Variants in ZNF136 observed in about 807,000 individuals in gnomAD.
The protein encoded by ZNF136 is zinc finger protein 136.
In ZNF136, 8 loss-of-function variants were observed where a neutral mutation model predicts 11.4. The observed-to-expected ratio is 0.70, with a 90% CI of 0.41 to 1.27. ZNF136 has a LOEUF of 1.27. Ranked by LOEUF, ZNF136 falls within the 50% of genes most tolerant of loss-of-function variation. The pLI is 0.01. For synonymous variants in ZNF136, 190 were observed against 207.1 expected, an observed-to-expected ratio of 0.92 and a Z score of 0.71; for missense variants, 590 against 656.5, an observed-to-expected ratio of 0.90 and a Z score of 1.11.
At chr19:12,171,262 T>G (rs1914647804) in intron 1 of ZNF136, among the ~76,000 whole-genome samples, 1 of 152,098 alleles carries the variant, frequency 6.6e-6, no homozygotes, top group Non-Finnish European at 1.5e-5. Flanking sequence ...TACAGGTGTG[T>G]GCCACCGCAC....
In ZNF136 at chr19:12,188,108, A is replaced by G. The variant is rs1281574041; in HGVS notation, c.*107A>G. 1.1e-6 allele frequency: 1 copy of G among 947,936 alleles called. No homozygotes were observed. The highest frequency in any genetic ancestry group is 3.4e-5 in the Admixed American group (1 of 29,372). The allele number at this position is 947,936 out of a possible 1,614,324, so 58.7% of individuals were successfully genotyped here. ...ATTCTGTCAGTGCCTTTTTTAATACATGAAAGAATTCTAGAGAGAAGCCAT... is the reference window on the plus strand; with the variant it reads ...ATTCTGTCAGTGCCTTTTTTAATACGTGAAAGAATTCTAGAGAGAAGCCAT... On this transcript the variant is annotated 3_prime_UTR_variant, in exon 4 of 4. Coordinates refer to ENST00000343979, the MANE Select transcript of ZNF136 (RefSeq NM_003437.5).
At position 12,163,226 on chromosome 19, in the gene ZNF136, C is replaced by T. The variant is rs528572104; in HGVS notation, c.3+20C>T. On this transcript the variant is annotated intron_variant, in intron 1 of 3. Coordinates refer to ENST00000343979, the MANE Select transcript of ZNF136 (RefSeq NM_003437.5). ...GAAATGGTGAGTGTGTCGGGCCCTG[C>T]GTCCCGAGACAGGGAGGAGGGGCTG... 2 of 1,378,232 alleles carry T rather than the reference C, an allele frequency of 1.5e-6. No individual in the cohort carries two copies. Among genetic ancestry groups the T allele is most frequent in the Non-Finnish European group, 9.5e-7 (1 of 1,055,972 alleles). The allele number at this position is 1,378,232 out of a possible 1,614,324, so 85.4% of individuals were successfully genotyped here.
At chr19:12,178,048 A>G (rs1248519225) in intron 1 of ZNF136, among the ~76,000 whole-genome samples, 1 of 152,202 alleles carries the variant, frequency 6.6e-6, no homozygotes, top group Non-Finnish European at 1.5e-5. Flanking sequence ...CAGAGGTTGC[A>G]GTGAGCCAAG....
In ZNF136 at chr19:12,187,655, G is replaced by T. The variant is rs1915149775; in HGVS notation, c.1277G>T (p.Gly426Val). Residue 426 changes from glycine to valine, a missense_variant, in exon 4 of 4, where the codon GGT (glycine) becomes GTT (valine). Physicochemically the swap from Gly to Val is moderately radical, Grantham distance 109. Coordinates refer to ENST00000343979, the MANE Select transcript of ZNF136 (RefSeq NM_003437.5). Reference sequence around the variant, plus strand: ...AAACCTTATGTATGTAAACATTGTGGTAAAGCTTTCGTTTCTTCAACATCA... The same window carrying T: ...AAACCTTATGTATGTAAACATTGTGTTAAAGCTTTCGTTTCTTCAACATCA... ...GEKPYVCKHC[G>V]KAFVSSTSIR... The T allele has an allele frequency of 6.2e-7, 1 of 1,613,956 alleles. No homozygotes were observed. Among genetic ancestry groups the T allele is most frequent in the African/African-American group, 1.3e-5 (1 of 74,910 alleles).
chr19:12,186,515 T>A, intron 3 of ZNF136, 55 bp from the exon 4 acceptor site: 1 of 1,373,518 alleles, frequency 7.3e-7, no homozygotes, highest in Admixed American at 2.3e-5. Context: ...GTTTAATAGC[T>A]ATTAATATAA....
Position 12,188,014 on chromosome 19 carries a change from A to G in ZNF136, c.*13A>G, listed in dbSNP as rs369555841. Reference sequence around the variant, plus strand: ...GGAAAGCCTTTAATGCTCTGGGTTCATGTCAGATACATTAAAATACTCACT... The same window carrying G: ...GGAAAGCCTTTAATGCTCTGGGTTCGTGTCAGATACATTAAAATACTCACT... On this transcript the variant is annotated 3_prime_UTR_variant, in exon 4 of 4. Transcript: ENST00000343979. 6.7e-7 allele frequency: 1 copy of G among 1,500,948 alleles called. No homozygotes were observed. The highest frequency in any genetic ancestry group is 2.3e-5 in the East Asian group (1 of 43,764). The allele number at this position is 1,500,948 out of a possible 1,614,324, so 93.0% of individuals were successfully genotyped here.
At chr19:12,164,123 C>T (rs1977151269) in intron 1 of ZNF136, among the ~76,000 whole-genome samples, 1 of 152,142 alleles carries the variant, frequency 6.6e-6, no homozygotes. Flanking sequence ...GGGAGAATGC[C>T]CTGGGACTAG....
chr19:12,186,435 T>C, intron 3 of ZNF136, 135 bp from the exon 4 acceptor site: 2 of 845,152 alleles, frequency 2.4e-6, no homozygotes, highest in Non-Finnish European at 1.8e-6. Context: ...GAGCATTGAA[T>C]TCATTCATGC....
chr19:12,186,748 C>A lies in ZNF136; in HGVS notation c.370C>A (p.His124Asn). 1 of 1,614,134 alleles carries A rather than the reference C, an allele frequency of 6.2e-7. No homozygotes were observed. Among genetic ancestry groups the A allele is most frequent in the Non-Finnish European group, 8.5e-7 (1 of 1,180,012 alleles). ...ATCCCTTAATAGACACATCAAAGAT[C>A]ACAGTGGACATGAACCAAAGGAATA... ...QSSLNRHIKD[H>N]SGHEPKEYQE... Residue 124 changes from histidine (H) to asparagine (N), a missense_variant, in exon 4 of 4, where the codon CAC becomes AAC. Physicochemically the swap from His to Asn is moderately conservative, Grantham distance 68 (BLOSUM62 1). Transcript: ENST00000343979.
intron 1 of ZNF136, among the ~76,000 whole-genome samples, chr19:12,163,444 C>G (rs955582507): frequency 3.3e-5 from 5 of 152,232 alleles, no homozygotes; most frequent in African/African-American, 9.6e-5. Flanking sequence ...CCCCGAAGAC[C>G]CAAGTCTCTT....
intron 1 of ZNF136, among the ~76,000 whole-genome samples, chr19:12,168,223 C>T (rs1914536164): frequency 6.6e-6 from 1 of 151,720 alleles, no homozygotes; most frequent in Admixed American, 6.6e-5. Context: ...TAGGCGCACA[C>T]CACCACGCCT....
chr19:12,182,459 G>A (rs1347507344), intron 1 of ZNF136, among the ~76,000 whole-genome samples: 1 of 152,218 alleles, frequency 6.6e-6, no homozygotes, highest in Non-Finnish European at 1.5e-5. Context: ...CCCCTCAGGG[G>A]AGCCCCTGGA....
chr19:12,187,910 A>G lies in ZNF136; in HGVS notation c.1532A>G (p.Lys511Arg). Residue 511 changes from lysine (K) to arginine (R), a missense_variant, in exon 4 of 4, where the codon AAA becomes AGA. By Grantham distance (26) the Lys-to-Arg change is conservative. Transcript: ENST00000343979. ...QKPYHCKECG[K>R]AYSCRASFQR... is the part of the protein sequence containing the mutation. ...CCCTATCATTGCAAGGAATGTGGGA[A>G]AGCCTATTCTTGCCGTGCCAGCTTT... 6.3e-7 allele frequency: 1 copy of G among 1,587,374 alleles called. No individual in the cohort carries two copies. The highest frequency in any genetic ancestry group is 8.5e-7 in the Non-Finnish European group (1 of 1,171,414).
intron 1 of ZNF136, among the ~76,000 whole-genome samples, chr19:12,176,079 G>A (rs1358950773): frequency 2.0e-5 from 3 of 152,008 alleles, no homozygotes; most frequent in Non-Finnish European, 4.4e-5. Context: ...CTACTGTAAG[G>A]CATCTCAGTT....
At chr19:12,183,039 C>T (rs1418856515) in intron 1 of ZNF136, among the ~76,000 whole-genome samples, 1 of 152,070 alleles carries the variant, frequency 6.6e-6, no homozygotes, top group Non-Finnish European at 1.5e-5. Context: ...AATATCTACC[C>T]TTATATTTGT....
intron 1 of ZNF136, among the ~76,000 whole-genome samples, chr19:12,174,647 T>C (rs1188629297): frequency 6.6e-6 from 1 of 152,122 alleles, no homozygotes; most frequent in Non-Finnish European, 1.5e-5. Context: ...TCTTTCTTTT[T>C]TTTTTTGAGA....
intron 1 of ZNF136, among the ~76,000 whole-genome samples, chr19:12,164,014 G>A (rs1977149779): frequency 6.6e-6 from 1 of 152,052 alleles, no homozygotes; most frequent in Non-Finnish European, 1.5e-5. Flanking sequence ...ACTGTCTGGG[G>A]CTGACTCAAG....
rs1224289576 is a variant in ZNF136, at chr19:12,181,446, TTTTTG to T, written c.4-4324_4-4320del. Among the ~76,000 whole-genome samples the T allele has an allele frequency of 6.6e-5, 10 of 152,198 alleles. No individual in the cohort carries two copies. In the East Asian group the frequency reaches 9.6e-4, roughly 15 times the overall value. ...GCACAGTGTTATCAACTATTTGGTT[TTTTTG>T]TTTTGTTTTGTTTTTGCATTTGTTT... On this transcript the variant is annotated intron_variant, in intron 1 of 3. Transcript: ENST00000343979.
chr19:12,168,879 T>C (rs957296086), intron 1 of ZNF136, among the ~76,000 whole-genome samples: 1 of 152,198 alleles, frequency 6.6e-6, no homozygotes, highest in East Asian at 1.9e-4. Flanking sequence ...GGTTTTACCA[T>C]GTTGGCCACG....
Sources: allele counts gnomAD v4.1 joint callset (sites outside exome capture counted in the v4.1 genomes callset), GRCh38; gene constraint gnomAD v4.1.1; transcripts MANE v1.5; gene names NCBI Gene and HGNC (gene_info 2026-07-23, HGNC 2026-07-21).